The following ITGA4 variants were observed in gnomAD, a reference collection of about 807,000 sequenced individuals.
ITGA4 encodes the protein integrin subunit alpha 4, also known as integrin alpha-4.
A neutral mutation model predicts 133.6 loss-of-function variants in ITGA4; 63 were observed. The observed-to-expected ratio is 0.47, with a 90% CI of 0.38 to 0.58. The LOEUF (loss-of-function observed/expected upper bound fraction) is 0.58, where lower values mean the gene tolerates loss of function less well. Among genes scored for constraint, ITGA4 ranks in the 20% least tolerant of loss-of-function variants. The pLI is 0.00. For missense variants in ITGA4, 1,076 were observed against 1,252.7 expected, an observed-to-expected ratio of 0.86 and a Z score of 2.13; for synonymous variants, 483 against 438.0, an observed-to-expected ratio of 1.10 and a Z score of -1.28.
chr2:181,520,990 CATAA>C (rs1162120758), intron 17 of ITGA4, among the ~76,000 whole-genome samples: 7 of 152,096 alleles, frequency 4.6e-5, no homozygotes, highest in East Asian at 1.9e-4. Flanking sequence ...TTAGTATTTC[CATAA>C]ATAGTTTATT....
intron 25 of ITGA4, among the ~76,000 whole-genome samples, chr2:181,533,086 G>A (rs1686978859): frequency 6.6e-6 from 1 of 152,094 alleles, no homozygotes; most frequent in Non-Finnish European, 1.5e-5. Flanking sequence ...AATATATCTT[G>A]GACTTTTTCC....
rs1337206676 is a variant in ITGA4 at position 181,536,558 on chromosome 2, T to TGTTTACAAGTATAAGC, written c.*1034_*1035insTACAAGTATAAGCGTT. 9 of 171,564 alleles carry TGTTTACAAGTATAAGC rather than the reference T, an allele frequency of 5.2e-5. No homozygotes were observed. In the East Asian group the frequency reaches 1.6e-3, roughly 30 times the overall value. The allele number at this position is 171,564 out of a possible 1,614,324, so 10.6% of individuals were successfully genotyped here. A position where few individuals can be genotyped will look rare whatever the true frequency, so the allele number is the denominator to read the frequency against. ...CTTTGTTACCCTTTACAAGTATAAG[T>TGTTTACAAGTATAAGC]GTTACCTTACATGGAAACGAAGAAA... On this transcript the variant is annotated 3_prime_UTR_variant, in exon 28 of 28. Transcript: ENST00000397033.
intron 2 of ITGA4, 54 bp downstream of exon 2, chr2:181,458,371 C>G: frequency 6.3e-7 from 1 of 1,582,454 alleles, no homozygotes; most frequent in Non-Finnish European, 8.6e-7. Flanking sequence ...CCATGTGGAC[C>G]CCACCATAGG....
Position 181,537,117 on chromosome 2 carries a change from G to GTATT in ITGA4, c.*1592_*1595dup. The GTATT allele has an allele frequency of 2.2e-6, 1 of 453,032 alleles. No homozygotes were observed. Among genetic ancestry groups the GTATT allele is most frequent in the Non-Finnish European group, 4.4e-6 (1 of 226,468 alleles). The allele number at this position is 453,032 out of a possible 1,614,324, so 28.1% of individuals were successfully genotyped here. ...CAGGAATAAACTTTATGACATTTAT[G>GTATT]TATTTTTAAAAAACTTTGTATCGTT... On this transcript the variant is annotated 3_prime_UTR_variant, in exon 28 of 28. Coordinates refer to ENST00000397033, the MANE Select transcript of ITGA4 (RefSeq NM_000885.6).
Position 181,501,867 on chromosome 2 carries a change from CTTGAG to C in ITGA4, c.1695+3096_1695+3100del, listed in dbSNP as rs953438698. Among the ~76,000 whole-genome samples the C allele has an allele frequency of 2.3e-4, 35 of 152,032 alleles. 1 individual carries two copies. The highest frequency in any genetic ancestry group is 7.5e-4 in the African/African-American group (31 of 41,392). ...CAACTAAGGCTTTGTACATACTCAT[CTTGAG>C]TTGAGGACAGGCAGAGAACAGGAAA... is the stretch of plus-strand genomic sequence containing the variant. On this transcript the variant is annotated intron_variant, in intron 15 of 27. Coordinates refer to ENST00000397033, the MANE Select transcript of ITGA4 (RefSeq NM_000885.6).
intron 25 of ITGA4, among the ~76,000 whole-genome samples, chr2:181,532,708 C>T (rs1686968413): frequency 6.6e-6 from 1 of 152,204 alleles, no homozygotes; most frequent in African/African-American, 2.4e-5. Flanking sequence ...TTGACTTCCT[C>T]TCTTCCTATT....
In ITGA4 at chr2:181,475,156, C is replaced by T; in HGVS notation, c.427-3C>T. On this transcript the variant is annotated splice_region_variant and splice_polypyrimidine_tract_variant and intron_variant, in intron 3 of 27. Coordinates refer to ENST00000397033, the MANE Select transcript of ITGA4 (RefSeq NM_000885.6). Reference sequence around the variant, plus strand: ...TCATTTGGTCTACTTTTATTTTATTCAGACTTGTGGGCATAGATGGAAAAA... The same window carrying T: ...TCATTTGGTCTACTTTTATTTTATTTAGACTTGTGGGCATAGATGGAAAAA... The T allele has an allele frequency of 6.2e-7, 1 of 1,613,332 alleles. No homozygotes were observed. Among genetic ancestry groups the T allele is most frequent in the Non-Finnish European group, 8.5e-7 (1 of 1,179,694 alleles).
At position 181,511,734 on chromosome 2, in the gene ITGA4, T is replaced by C; in HGVS notation, c.1881T>C (p.Cys627=). 1 of 1,600,218 alleles carries C rather than the reference T, an allele frequency of 6.2e-7. No homozygotes were observed. The highest frequency in any genetic ancestry group is 8.6e-7 in the Non-Finnish European group (1 of 1,167,876). Residue 627 remains cysteine (C), a synonymous_variant, in exon 17 of 28, where the codon TGT becomes TGC. Transcript: ENST00000397033. ...NFARFCAHEN[C]SADLQVSAKI... ...CAAGGTTTTGTGCCCATGAAAATTG[T>C]TCTGCTGATTTACAGGTTTCTGCAA...
chr2:181,481,735 C>A, intron 7 of ITGA4, 52 bp downstream of exon 7: 1 of 827,408 alleles, frequency 1.2e-6, no homozygotes. Flanking sequence ...AAATATATTG[C>A]ATGAATAAGA....
At chr2:181,480,098 ATTAAAGT>A (rs1213007885) in intron 5 of ITGA4, 32 bp from the exon 6 acceptor site, 22 of 1,474,560 alleles carry the variant, frequency 1.5e-5, no homozygotes, top group Non-Finnish European at 1.9e-5. Flanking sequence ...GGGTGGTGAG[ATTAAAGT>A]TTAAATAATA....
At chr2:181,465,193 G>C (rs1685381418) in intron 2 of ITGA4, among the ~76,000 whole-genome samples, 1 of 152,020 alleles carries the variant, frequency 6.6e-6, no homozygotes, top group South Asian at 2.1e-4. Flanking sequence ...AAGTTTTCTA[G>C]AAGTCATTAG....
At chr2:181,480,303 C>T (rs1182433050) in intron 6 of ITGA4, 37 bp downstream of exon 6, 1 of 1,109,316 alleles carries the variant, frequency 9.0e-7, no homozygotes, top group Non-Finnish European at 1.3e-6. Context: ...TGATCTGTGC[C>T]TTACAAATAC....
rs770292044 is a variant in ITGA4 at position 181,525,249 on chromosome 2, T to C, written c.2297T>C (p.Val766Ala). 11 of 1,608,208 alleles carry C rather than the reference T, an allele frequency of 6.8e-6. No individual in the cohort carries two copies. The highest frequency in any genetic ancestry group is 8.5e-6 in the Non-Finnish European group (10 of 1,175,026). Residue 766 changes from valine to alanine, a missense_variant, in exon 21 of 28, where the codon GTA becomes GCA. Physicochemically the swap from Val to Ala is moderately conservative, Grantham distance 64 (BLOSUM62 0). Coordinates refer to ENST00000397033, the MANE Select transcript of ITGA4 (RefSeq NM_000885.6). ...MDNLKHSRVTVAIPLKYEVKL... is the reference protein window; with the variant it reads ...MDNLKHSRVTAAIPLKYEVKL... ...AATCTAAAGCACAGCAGAGTGACTG[T>C]AGCAATACCTTTAAAATATGAGGTT...
At chr2:181,490,491 G>A (rs1686026477) in intron 10 of ITGA4, among the ~76,000 whole-genome samples, 2 of 7,076 alleles carry the variant, frequency 2.8e-4, no homozygotes, top group South Asian at 2.4e-3. Context: ...ATTCGTGTGT[G>A]TGTGTGTGTG....
intron 7 of ITGA4, among the ~76,000 whole-genome samples, chr2:181,481,971 G>C (rs1247831605): frequency 1.3e-5 from 2 of 152,148 alleles, no homozygotes; most frequent in African/African-American, 4.8e-5. Flanking sequence ...TTTCACAGCT[G>C]AAAAGAAGTT....
intron 9 of ITGA4, among the ~76,000 whole-genome samples, chr2:181,483,324 T>C (rs1204174389): frequency 6.6e-6 from 1 of 152,216 alleles, no homozygotes; most frequent in African/African-American, 2.4e-5. Flanking sequence ...GCCTAGATTC[T>C]TGGCGTTAAG....
chr2:181,470,690 TCTA>T (rs1685527478), intron 2 of ITGA4, among the ~76,000 whole-genome samples: 1 of 151,786 alleles, frequency 6.6e-6, no homozygotes, highest in Non-Finnish European at 1.5e-5. Flanking sequence ...TCTTACTTCT[TCTA>T]CCAAGATTCC....
intron 20 of ITGA4, 42 bp downstream of exon 20, chr2:181,524,292 C>CCTCAGAATATGGGGGT: frequency 8.8e-7 from 1 of 1,142,730 alleles, no homozygotes; most frequent in Non-Finnish European, 1.3e-6. Flanking sequence ...AATATACCCC[C>CCTCAGAATATGGGGGT]ATATTCTGAG....
At chr2:181,464,814 C>T (rs574745657) in intron 2 of ITGA4, among the ~76,000 whole-genome samples, 16 of 152,006 alleles carry the variant, frequency 1.1e-4, no homozygotes, top group Non-Finnish European at 2.1e-4. Context: ...AAATGACTGT[C>T]TTTAAAAGCA....
Sources: allele counts gnomAD v4.1 joint callset (sites outside exome capture counted in the v4.1 genomes callset), GRCh38; gene constraint gnomAD v4.1.1; transcripts MANE v1.5; gene names NCBI Gene and HGNC (gene_info 2026-07-23, HGNC 2026-07-21).